ZNF493: variants seen among roughly 807,000 people sequenced by gnomAD.
ZNF493 encodes the protein zinc finger protein 493.
ZNF493 carries 11 observed loss-of-function variants against 12.2 expected under a neutral mutation model. That is an observed-to-expected ratio of 0.90 (90% CI 0.57 to 1.50). ZNF493 has a LOEUF of 1.50. Among genes scored for constraint, ZNF493 ranks in the 40% most tolerant of loss-of-function variants. The pLI is 0.00. For missense variants in ZNF493, 950 were observed against 906.6 expected, an observed-to-expected ratio of 1.05 and a Z score of -0.61; for synonymous variants, 286 against 302.6, an observed-to-expected ratio of 0.95 and a Z score of 0.57.
Position 21,420,057 on chromosome 19 carries a change from A to G in ZNF493, c.254-2856A>G, listed in dbSNP as rs1216696829. On this transcript the variant is annotated intron_variant, in intron 3 of 3. Transcript: ENST00000392288. ...TTGCCCCTAGAGTTTTCTGCCAAGA[A>G]TATACACAGGTGCCTAGAAGACTTC... 2.6e-5 allele frequency among the ~76,000 whole-genome samples: 4 copies of G among 152,192 alleles called. No individual in the cohort carries two copies. The South Asian group carries it at 8.3e-4, about 32-fold the overall frequency.
rs1289868268 is a variant in ZNF493, at chr19:21,424,171, T to G, written c.1512T>G (p.Leu504=). ...AAGCTTTTAACCAATCTTCAACCCT[T>G]AGTATACATAAAATAATTCATACTG... ...CGKAFNQSST[L]SIHKIIHTGE... The change falls in exon 4 of 4, where the codon CTT becomes CTG. Residue 504 remains leucine, a synonymous_variant. Transcript: ENST00000392288. The G allele has an allele frequency of 3.7e-6, 6 of 1,613,510 alleles. No homozygotes were observed. Among genetic ancestry groups the G allele is most frequent in the African/African-American group, 1.3e-5 (1 of 74,998 alleles).
Position 21,424,122 on chromosome 19 carries a change from C to T in ZNF493, c.1463C>T (p.Pro488Leu). 6 of 1,613,568 alleles carry T rather than the reference C, an allele frequency of 3.7e-6. No individual in the cohort carries two copies. The highest frequency in any genetic ancestry group is 5.1e-6 in the Non-Finnish European group (6 of 1,179,766). ...AGGATAATTCATACTGAAGAGAAACCCTACAAATGTGAAGAATGTGGCAAA... is the reference window on the plus strand; with the variant it reads ...AGGATAATTCATACTGAAGAGAAACTCTACAAATGTGAAGAATGTGGCAAA... Reference protein sequence around the residue: ...KHRIIHTEEKPYKCEECGKAF... With the variant: ...KHRIIHTEEKLYKCEECGKAF... The change falls in exon 4 of 4, where the codon CCC becomes CTC. Residue 488 changes from proline (P) to leucine (L), a missense_variant. By Grantham distance (98) the Pro-to-Leu change is moderately conservative (BLOSUM62 -3). Coordinates refer to ENST00000392288, the MANE Select transcript of ZNF493 (RefSeq NM_001076678.3).
chr19:21,409,868 C>T (rs1287055116), intron 3 of ZNF493, among the ~76,000 whole-genome samples: 9 of 151,826 alleles, frequency 5.9e-5, no homozygotes, highest in Admixed American at 5.9e-4. Context: ...AACGCATTTA[C>T]CCTCTTCCCA....
At chr19:21,422,393 T>TG (rs1318447083) in intron 3 of ZNF493, among the ~76,000 whole-genome samples, 1 of 151,048 alleles carries the variant, frequency 6.6e-6, no homozygotes, top group Non-Finnish European at 1.5e-5. Flanking sequence ...TTTTTTTTTT[T>TG]TAACAAAATC....
chr19:21,408,234 T>C lies in ZNF493; in HGVS notation c.253+2378T>C, dbSNP rs571249764. ...TTTGCCTCCCTAGTTCAAGCGATTC[T>C]CCTACCTCAGCCTCCTGAGTAGCTG... On this transcript the variant is annotated intron_variant, in intron 3 of 3. Coordinates refer to ENST00000392288, the MANE Select transcript of ZNF493 (RefSeq NM_001076678.3). 29 of 735,222 alleles carry C rather than the reference T, an allele frequency of 3.9e-5. No individual in the cohort carries two copies. The South Asian group carries it at 6.2e-4, about 16-fold the overall frequency. 45.5% of individuals were successfully genotyped at this position (735,222 alleles called of 1,614,324 possible). A position where few individuals can be genotyped will look rare whatever the true frequency, so the allele number is the denominator to read the frequency against.
Position 21,397,198 on chromosome 19 carries a change from G to C in ZNF493, c.-40G>C. On this transcript the variant is annotated 5_prime_UTR_variant, in exon 1 of 4. Transcript: ENST00000392288. ...ACTGCTCTGTGTCCTCAGCGTGTGTGGCTTCGTGACCTGAAGATACTGGGA... is the reference window on the plus strand; with the variant it reads ...ACTGCTCTGTGTCCTCAGCGTGTGTCGCTTCGTGACCTGAAGATACTGGGA... 1 of 1,613,580 alleles carries C rather than the reference G, an allele frequency of 6.2e-7. No individual in the cohort carries two copies. Among genetic ancestry groups the C allele is most frequent in the African/African-American group, 1.3e-5 (1 of 75,036 alleles).
At position 21,424,833 on chromosome 19, in the gene ZNF493, C is replaced by T; in HGVS notation, c.2174C>T (p.Ser725Phe). ...CEECGKAFNH[S>F]SNLIKHKLIH... is the part of the protein sequence containing the mutation. ...GAATGTGGCAAAGCTTTTAACCATT[C>T]CTCAAACCTTATTAAACATAAGCTA... is the stretch of plus-strand genomic sequence containing the variant. The change falls in exon 4 of 4, where the codon TCC (serine) becomes TTC (phenylalanine). Residue 725 changes from serine to phenylalanine, a missense_variant. Coordinates refer to ENST00000392288, the MANE Select transcript of ZNF493 (RefSeq NM_001076678.3). The T allele has an allele frequency of 1.2e-6, 2 of 1,611,712 alleles. No individual in the cohort carries two copies. The highest frequency in any genetic ancestry group is 1.7e-6 in the Non-Finnish European group (2 of 1,179,128).
In ZNF493 at chr19:21,411,399, C is replaced by T. The variant is rs1022468480; in HGVS notation, c.253+5543C>T. 4.0e-5 allele frequency among the ~76,000 whole-genome samples: 6 copies of T among 151,776 alleles called. No homozygotes were observed. In the East Asian group the frequency reaches 1.2e-3, roughly 29 times the overall value. ...TCTGTTCTTTTTTATGAGTGTTTTG[C>T]TAGTTATAGTTTATAATCAAATTAT... On this transcript the variant is annotated intron_variant, in intron 3 of 3. Transcript: ENST00000392288.
chr19:21,415,587 T>A (rs2030463323), intron 3 of ZNF493, among the ~76,000 whole-genome samples: 1 of 152,132 alleles, frequency 6.6e-6, no homozygotes, highest in Non-Finnish European at 1.5e-5. Context: ...GGAGTAATAT[T>A]TCTCAAGTGG....
chr19:21,408,152 A>ATCCT (rs2030198800), intron 3 of ZNF493: 1 of 932,492 alleles, frequency 1.1e-6, no homozygotes, highest in Non-Finnish European at 1.2e-6. Flanking sequence ...TTGAGACAGG[A>ATCCT]GTCTCGCTCT....
At chr19:21,398,632 T>C in intron 1 of ZNF493, 1 of 442,744 alleles carries the variant, frequency 2.3e-6, no homozygotes, top group Non-Finnish European at 4.6e-6. Context: ...GTATGGAGTG[T>C]ATCCTCTCAA....
intron 3 of ZNF493, among the ~76,000 whole-genome samples, chr19:21,409,860 C>T (rs982040293): frequency 4.6e-5 from 7 of 152,064 alleles, no homozygotes; most frequent in South Asian, 4.1e-4. Context: ...GTAACAACAA[C>T]GCATTTACCC....
At chr19:21,410,060 G>GTATATATATATATATATA (rs60038018) in intron 3 of ZNF493, among the ~76,000 whole-genome samples, 4 of 43,966 alleles carry the variant, frequency 9.1e-5, no homozygotes, top group Admixed American at 2.3e-4. Context: ...TTCATTGTGT[G>GTATATATATATATATATA]TATATATATA....
At chr19:21,408,805 T>C (rs2030222474) in intron 3 of ZNF493, 1 of 981,464 alleles carries the variant, frequency 1.0e-6, no homozygotes, top group Admixed American at 6.2e-5. Context: ...CACAATCATA[T>C]ATGTGTGTGT....
At position 21,423,009 on chromosome 19, in the gene ZNF493, A is replaced by G. The variant is rs776069343; in HGVS notation, c.350A>G (p.His117Arg). The stretch of plus-strand genomic sequence containing the variant: ...CTGAGAGAATATGTAAAATGTGGAC[A>G]TAAGGATTTACAGTTAAGAAAAGGA... ...VILREYVKCG[H>R]KDLQLRKGCK... Residue 117 changes from histidine to arginine, a missense_variant, in exon 4 of 4, where the codon CAT becomes CGT. Coordinates refer to ENST00000392288, the MANE Select transcript of ZNF493 (RefSeq NM_001076678.3). The G allele has an allele frequency of 3.7e-6, 6 of 1,612,432 alleles. No homozygotes were observed. The highest frequency in any genetic ancestry group is 5.1e-6 in the Non-Finnish European group (6 of 1,179,490).
intron 3 of ZNF493, chr19:21,413,761 C>A: frequency 3.4e-6 from 1 of 292,874 alleles, no homozygotes; most frequent in Non-Finnish European, 6.2e-6. Flanking sequence ...TTGGATCTCT[C>A]CACCAAATCA....
chr19:21,406,622 G>A (rs545179697), intron 3 of ZNF493, among the ~76,000 whole-genome samples: 1 of 152,172 alleles, frequency 6.6e-6, no homozygotes, highest in South Asian at 2.1e-4. Context: ...TATGAGGGTA[G>A]TGGTCTCTGT....
rs2914628 is a variant in ZNF493, at chr19:21,413,585, C to T, written c.253+7729C>T. On this transcript the variant is annotated intron_variant, in intron 3 of 3. Coordinates refer to ENST00000392288, the MANE Select transcript of ZNF493 (RefSeq NM_001076678.3). ...AGCATCAATCTTGACATGGCTGCAA[C>T]GAGGGGGTCCTCGGGATCCTCCCAG... The T allele has an allele frequency of 9.7e-3, 3,942 of 407,708 alleles. 35 individuals are homozygous for T. Among genetic ancestry groups the T allele is most frequent in the Non-Finnish European group, 0.013 (3,131 of 233,494 alleles). The allele number at this position is 407,708 out of a possible 1,614,324, so 25.3% of individuals were successfully genotyped here.
chr19:21,424,122 C>G lies in ZNF493; in HGVS notation c.1463C>G (p.Pro488Arg). Residue 488 changes from proline to arginine, a missense_variant, in exon 4 of 4, where the codon CCC becomes CGC. Physicochemically the swap from Pro to Arg is moderately radical, Grantham distance 103 (BLOSUM62 -2). Coordinates refer to ENST00000392288, the MANE Select transcript of ZNF493 (RefSeq NM_001076678.3). ...KHRIIHTEEK[P>R]YKCEECGKAF... ...AGGATAATTCATACTGAAGAGAAAC[C>G]CTACAAATGTGAAGAATGTGGCAAA... 4 of 1,613,568 alleles carry G rather than the reference C, an allele frequency of 2.5e-6. No homozygotes were observed. Among genetic ancestry groups the G allele is most frequent in the Non-Finnish European group, 3.4e-6 (4 of 1,179,766 alleles).
Sources: gnomAD v4.1 joint callset for allele counts (sites outside exome capture counted in the v4.1 genomes callset) on GRCh38, gnomAD v4.1.1 for gene constraint, MANE v1.5 for transcripts, NCBI Gene and HGNC (gene_info 2026-07-23, HGNC 2026-07-21) for gene names.